MIR2052HG: variants seen among roughly 807,000 people sequenced by gnomAD.
MIR2052HG encodes the protein MIR2052 host gene.
At chr8:74,711,186 G>T (rs1293590998) in intron 4 of MIR2052HG, among the ~76,000 whole-genome samples, 1 of 152,138 alleles carries the variant, frequency 6.6e-6, no homozygotes, top group Non-Finnish European at 1.5e-5. Context: ...CCACTAGCTA[G>T]GTCATATTCT....
intron 4 of MIR2052HG, among the ~76,000 whole-genome samples, chr8:74,743,104 CAAA>C (rs1040588350): frequency 6.6e-6 from 1 of 150,894 alleles, no homozygotes; most frequent in Non-Finnish European, 1.5e-5. Context: ...CACCAAAAAA[CAAA>C]AAACAAAAAA....
At chr8:74,642,667 T>C (rs910461564) in intron 2 of MIR2052HG, among the ~76,000 whole-genome samples, 2 of 152,130 alleles carry the variant, frequency 1.3e-5, no homozygotes, top group African/African-American at 4.8e-5. Flanking sequence ...CCACCAAGAA[T>C]TAGTTATTGT....
At chr8:74,618,508 G>A (rs1238465591) in intron 2 of MIR2052HG, among the ~76,000 whole-genome samples, 1 of 152,152 alleles carries the variant, frequency 6.6e-6, no homozygotes, top group Non-Finnish European at 1.5e-5. Flanking sequence ...TATATTTGAT[G>A]TGATCCATCA....
intron 2 of MIR2052HG, among the ~76,000 whole-genome samples, chr8:74,670,395 A>G (rs1050057447): frequency 1.3e-5 from 2 of 152,192 alleles, no homozygotes; most frequent in Non-Finnish European, 2.9e-5. Context: ...CAGGCTATAT[A>G]TCTAAAGAAA....
intron 2 of MIR2052HG, among the ~76,000 whole-genome samples, chr8:74,700,854 T>C (rs1809350604): frequency 6.6e-6 from 1 of 152,180 alleles, no homozygotes; most frequent in Admixed American, 6.6e-5. Context: ...TGATTATTAA[T>C]TATTTAAATT....
At chr8:74,752,669 G>T (rs531743443) in intron 5 of MIR2052HG, 30 of 332,360 alleles carry the variant, frequency 9.0e-5, no homozygotes, top group Admixed American at 8.6e-4. Context: ...AGTCTTGATT[G>T]CAGATGCCTA....
intron 4 of MIR2052HG, among the ~76,000 whole-genome samples, chr8:74,715,397 T>C (rs1157011930): frequency 1.3e-5 from 2 of 152,214 alleles, no homozygotes; most frequent in Non-Finnish European, 2.9e-5. Context: ...CAAAAGTACC[T>C]TCTGCCTAAT....
At chr8:74,602,875 T>TTCTTTCTTTCTTTCTTTC (rs1586883839) in intron 1 of MIR2052HG, among the ~76,000 whole-genome samples, 1 of 149,062 alleles carries the variant, frequency 6.7e-6, no homozygotes, top group Non-Finnish European at 1.5e-5. Context: ...CTTTCTTTCT[T>TTCTTTCTTTCTTTCTTTC]TTTTCTATTC....
rs1417120507 is a variant in MIR2052HG at position 74,631,658 on chromosome 8, G to A, written n.216+18718G>A. On this transcript the variant is annotated intron_variant and non_coding_transcript_variant, in intron 2 of 6. Coordinates refer to ENST00000523442, the Ensembl canonical transcript of MIR2052HG. The stretch of plus-strand genomic sequence containing the variant: ...AACTTCTCAAAAACCCTCTGTCTTA[G>A]TTTGGGCTGCTATAACAAAAATGCC... Among the ~76,000 whole-genome samples, 12 of 152,270 alleles carry A rather than the reference G, an allele frequency of 7.9e-5. No individual in the cohort carries two copies. In the East Asian group the frequency reaches 2.1e-3, roughly 27 times the overall value.
intron 2 of MIR2052HG, among the ~76,000 whole-genome samples, chr8:74,665,590 C>T (rs574510641): frequency 1.3e-5 from 2 of 152,344 alleles, no homozygotes; most frequent in Admixed American, 6.5e-5. Flanking sequence ...ATCACTCTCT[C>T]ATCATCATTT....
intron 2 of MIR2052HG, among the ~76,000 whole-genome samples, chr8:74,645,359 C>T (rs534012908): frequency 1.3e-5 from 2 of 151,528 alleles, no homozygotes; most frequent in African/African-American, 2.4e-5. Flanking sequence ...GATCTTGGCT[C>T]ACCACAACCT....
intron 4 of MIR2052HG, among the ~76,000 whole-genome samples, chr8:74,728,264 GAGC>G (rs1403949504): frequency 6.6e-6 from 1 of 152,186 alleles, no homozygotes; most frequent in Non-Finnish European, 1.5e-5. Flanking sequence ...TAAGATCACT[GAGC>G]TTAGGTTAAG....
chr8:74,741,783 A>G (rs1809834353), intron 4 of MIR2052HG, among the ~76,000 whole-genome samples: 1 of 152,186 alleles, frequency 6.6e-6, no homozygotes, highest in Admixed American at 6.5e-5. Context: ...TAAGCACTGC[A>G]GCACTAAGCG....
intron 4 of MIR2052HG, chr8:74,703,719 G>A (rs193209314): frequency 2.3e-6 from 1 of 437,784 alleles, no homozygotes; most frequent in African/African-American, 2.0e-5. Flanking sequence ...GGATCTGGAA[G>A]TCATGTGGAT....
At chr8:74,653,893 A>C (rs911037076) in intron 2 of MIR2052HG, among the ~76,000 whole-genome samples, 1 of 152,220 alleles carries the variant, frequency 6.6e-6, no homozygotes, top group African/African-American at 2.4e-5. Flanking sequence ...TAGAATTATG[A>C]AGAAATTGTT....
At position 74,717,030 on chromosome 8, in the gene MIR2052HG, G is replaced by A. The variant is rs566249982; in HGVS notation, n.371+13348G>A. Among the ~76,000 whole-genome samples the A allele has an allele frequency of 1.2e-3, 181 of 151,884 alleles. 1 individual carries two copies. The highest frequency in any genetic ancestry group is 0.011 in the Admixed American group (172 of 15,262). On this transcript the variant is annotated intron_variant and non_coding_transcript_variant, in intron 4 of 6. Coordinates refer to ENST00000523442, the Ensembl canonical transcript of MIR2052HG. ...TTTTAAAATTGTACTTTAAGTTCCA[G>A]GATACATGTTCAGGTTTGTTACATT...
chr8:74,716,440 C>G (rs1809522533), intron 4 of MIR2052HG, among the ~76,000 whole-genome samples: 1 of 152,124 alleles, frequency 6.6e-6, no homozygotes, highest in South Asian at 2.1e-4. Flanking sequence ...GGGCCGGTCA[C>G]AGTGGCTCAT....
intron 2 of MIR2052HG, among the ~76,000 whole-genome samples, chr8:74,700,125 G>A (rs1175703086): frequency 1.3e-5 from 2 of 152,140 alleles, no homozygotes; most frequent in Non-Finnish European, 2.9e-5. Flanking sequence ...TAAACTGCCA[G>A]TATACTACAT....
chr8:74,691,439 C>T (rs1353837975), intron 2 of MIR2052HG, among the ~76,000 whole-genome samples: 1 of 152,104 alleles, frequency 6.6e-6, no homozygotes, highest in African/African-American at 2.4e-5. Flanking sequence ...GGTAATTTGG[C>T]CGTGTCTTTA....
Sources: allele counts gnomAD v4.1 joint callset (sites outside exome capture counted in the v4.1 genomes callset), GRCh38; gene constraint gnomAD v4.1.1; transcripts MANE v1.5; gene names NCBI Gene and HGNC (gene_info 2026-07-23, HGNC 2026-07-21).